The following KCNJ6 variants were observed in gnomAD, a reference collection of about 807,000 sequenced individuals.
KCNJ6 encodes G protein-activated inward rectifier potassium channel 2.
A neutral mutation model predicts 34.2 loss-of-function variants in KCNJ6; 9 were observed. That is an observed-to-expected ratio of 0.26 (90% CI 0.16 to 0.46). The LOEUF (loss-of-function observed/expected upper bound fraction) is 0.46, where lower values mean the gene tolerates loss of function less well. KCNJ6 is among the 20% of genes least tolerant of loss of function. The pLI is 1.00. For missense variants in KCNJ6, 236 were observed against 531.3 expected (o/e 0.44, Z 5.46); for synonymous variants, 196 against 207.1 (o/e 0.95, Z 0.46).
At chr21:37,687,182 G>A (rs937969760) in intron 3 of KCNJ6, among the ~76,000 whole-genome samples, 3 of 152,036 alleles carry the variant, frequency 2.0e-5, no homozygotes, top group African/African-American at 7.2e-5. Context: ...TGGGCCTCTT[G>A]GGCCTGGAAA....
chr21:37,692,361 G>A (rs2054643886), intron 3 of KCNJ6, among the ~76,000 whole-genome samples: 1 of 152,030 alleles, frequency 6.6e-6, no homozygotes, highest in Admixed American at 6.6e-5. Flanking sequence ...CCAAGGAGCA[G>A]CATTAGGGGT....
At chr21:37,909,442 T>G (rs992595637) in intron 1 of KCNJ6, among the ~76,000 whole-genome samples, 1 of 151,892 alleles carries the variant, frequency 6.6e-6, no homozygotes, top group Non-Finnish European at 1.5e-5. Flanking sequence ...CTCAGCTCAC[T>G]GCAACATCTG....
intron 2 of KCNJ6, among the ~76,000 whole-genome samples, chr21:37,751,675 T>C (rs2054996513): frequency 6.6e-6 from 1 of 152,206 alleles, no homozygotes. Flanking sequence ...TGACCAAAAG[T>C]GATCCGGGCA....
At chr21:37,768,321 T>C (rs2123501323) in intron 2 of KCNJ6, among the ~76,000 whole-genome samples, 1 of 152,320 alleles carries the variant, frequency 6.6e-6, no homozygotes, top group South Asian at 2.1e-4. Flanking sequence ...TGCTGTTCTA[T>C]TTCAGCTTCT....
intron 2 of KCNJ6, among the ~76,000 whole-genome samples, chr21:37,725,517 T>C (rs2054849798): frequency 6.6e-6 from 1 of 152,242 alleles, no homozygotes. Flanking sequence ...AATGAGTATG[T>C]GAAAGGTGTG....
intron 3 of KCNJ6, among the ~76,000 whole-genome samples, chr21:37,682,294 G>C (rs764863727): frequency 6.6e-6 from 1 of 152,218 alleles, no homozygotes; most frequent in Non-Finnish European, 1.5e-5. Context: ...TGGCTTCTCA[G>C]GGAGTAGTGT....
chr21:37,810,991 A>T (rs1396149338), intron 2 of KCNJ6, among the ~76,000 whole-genome samples: 2 of 152,228 alleles, frequency 1.3e-5, no homozygotes, highest in African/African-American at 4.8e-5. Context: ...CAGAGAGATC[A>T]AACCATGATT....
chr21:37,753,723 G>A (rs2055009028), intron 2 of KCNJ6, among the ~76,000 whole-genome samples: 1 of 152,176 alleles, frequency 6.6e-6, no homozygotes, highest in South Asian at 2.1e-4. Context: ...CAGATCGAGG[G>A]AACGCTGTCA....
At chr21:37,875,262 G>T (rs902521907) in intron 1 of KCNJ6, among the ~76,000 whole-genome samples, 1 of 152,208 alleles carries the variant, frequency 6.6e-6, no homozygotes, top group Non-Finnish European at 1.5e-5. Flanking sequence ...TTTTAAAAAA[G>T]AATTGAAAAG....
intron 3 of KCNJ6, among the ~76,000 whole-genome samples, chr21:37,710,045 T>C (rs918681201): frequency 6.7e-6 from 1 of 149,662 alleles, no homozygotes; most frequent in Non-Finnish European, 1.5e-5. Flanking sequence ...AGTTATCTTC[T>C]TTAAGAAAAA....
At position 37,852,488 on chromosome 21, in the gene KCNJ6, C is replaced by T. The variant is rs146686209; in HGVS notation, c.-27-11779G>A. ...GTGTTGCTGGAGACCCAGTAGGGAT[C>T]CTGAGCCTTCATTACCATCCAGCAG... On this transcript the variant is annotated intron_variant, in intron 1 of 3. Transcript: ENST00000609713. 1.2e-4 allele frequency among the ~76,000 whole-genome samples: 19 copies of T among 152,296 alleles called. No individual in the cohort carries two copies. The East Asian group carries it at 2.3e-3, about 19-fold the overall frequency.
In KCNJ6 at chr21:37,614,588, ATG is replaced by A. The variant is rs1430875144; in HGVS notation, c.*10569_*10570del. On this transcript the variant is annotated 3_prime_UTR_variant, in exon 4 of 4. Coordinates refer to ENST00000609713, the MANE Select transcript of KCNJ6 (RefSeq NM_002240.5). ...TGTGTATGCATGTGTCTCTGTATGCATGTGTGTGTATGCATGTCTGTATGCGT... is the reference window on the plus strand; with the variant it reads ...TGTGTATGCATGTGTCTCTGTATGCATGTGTGTATGCATGTCTGTATGCGT... 4.8e-5 allele frequency: 3 copies of A among 62,608 alleles called. 1 individual carries two copies. The highest frequency in any genetic ancestry group is 9.0e-5 in the Non-Finnish European group (3 of 33,228). 3.9% of individuals were successfully genotyped at this position (62,608 alleles called of 1,614,324 possible).
chr21:37,812,616 G>A (rs543160972), intron 2 of KCNJ6, among the ~76,000 whole-genome samples: 6 of 152,218 alleles, frequency 3.9e-5, no homozygotes, highest in Admixed American at 1.3e-4. Context: ...TTCAACATAC[G>A]CAAATCAATC....
intron 1 of KCNJ6, among the ~76,000 whole-genome samples, chr21:37,882,304 C>T (rs2055713160): frequency 6.6e-6 from 1 of 152,142 alleles, no homozygotes; most frequent in Admixed American, 6.6e-5. Context: ...TCAGAATCCA[C>T]ACAACAGGCT....
At chr21:37,646,412 C>T (rs1225146672) in intron 3 of KCNJ6, among the ~76,000 whole-genome samples, 1 of 152,104 alleles carries the variant, frequency 6.6e-6, no homozygotes, top group Non-Finnish European at 1.5e-5. Context: ...GTTATTATCC[C>T]GGGGTGACAT....
chr21:37,832,859 C>G (rs1305526480), intron 2 of KCNJ6, among the ~76,000 whole-genome samples: 2 of 152,126 alleles, frequency 1.3e-5, no homozygotes, highest in African/African-American at 4.8e-5. Flanking sequence ...GTGACCATAC[C>G]TCCTGCATGG....
At chr21:37,894,972 T>G (rs1339031361) in intron 1 of KCNJ6, among the ~76,000 whole-genome samples, 4 of 152,224 alleles carry the variant, frequency 2.6e-5, no homozygotes, top group Non-Finnish European at 5.9e-5. Context: ...GGGATCTTGC[T>G]ATGTTGCCCA....
chr21:37,672,988 A>C (rs188388566), intron 3 of KCNJ6, among the ~76,000 whole-genome samples: 64 of 152,356 alleles, frequency 4.2e-4, no homozygotes, highest in African/African-American at 1.3e-3. Context: ...TACATTGTCC[A>C]GGCCAGATTT....
At chr21:37,851,075 CCTAATACTGT>C (rs1262513271) in intron 1 of KCNJ6, among the ~76,000 whole-genome samples, 1 of 152,116 alleles carries the variant, frequency 6.6e-6, no homozygotes, top group Non-Finnish European at 1.5e-5. Context: ...GCCTAAACTG[CCTAATACTGT>C]ATAACCCATG....
Sources: allele counts gnomAD v4.1 joint callset (sites outside exome capture counted in the v4.1 genomes callset), GRCh38; gene constraint gnomAD v4.1.1; transcripts MANE v1.5; gene names NCBI Gene and HGNC (gene_info 2026-07-23, HGNC 2026-07-21).